Variants in STAT1 observed in about 807,000 individuals in gnomAD.
STAT1 encodes signal transducer and activator of transcription 1.
A neutral mutation model predicts 111.7 loss-of-function variants in STAT1; 24 were observed. That is an observed-to-expected ratio of 0.21 (90% CI 0.16 to 0.30). The LOEUF is 0.30. Among genes scored for constraint, STAT1 ranks in the 10% least tolerant of loss-of-function variants. The pLI is 1.00. For missense variants in STAT1, 351 were observed against 911.9 expected (o/e 0.38, Z 7.92); for synonymous variants, 332 against 326.5 (o/e 1.02, Z -0.18).
chr2:190,990,621 A>G lies in STAT1; in HGVS notation c.1037+607T>C, dbSNP rs1308662427. On this transcript the variant is annotated intron_variant, in intron 11 of 24. Transcript: ENST00000361099. The surrounding 1 kb of genome is among the most constrained non-coding windows in gnomAD (Gnocchi z 5.1). ...GTGTGTGTGTGTGTCTCTATATGAA[A>G]TATTTGTGTAGACATGGAATCCTAA... Among the ~76,000 whole-genome samples, 1 of 152,198 alleles carries G rather than the reference A, an allele frequency of 6.6e-6. No individual in the cohort carries two copies. Among genetic ancestry groups the G allele is most frequent in the Non-Finnish European group, 1.5e-5 (1 of 68,034 alleles).
rs1329398871 is a variant in STAT1, at chr2:190,975,064, A to G, written c.2136-132T>C. 1.3e-6 allele frequency: 1 copy of G among 797,138 alleles called. No individual in the cohort carries two copies. 49.4% of individuals were successfully genotyped at this position (797,138 alleles called of 1,614,324 possible). A position where few individuals can be genotyped will look rare whatever the true frequency, so the allele number is the denominator to read the frequency against. On this transcript the variant is annotated intron_variant, in intron 23 of 24. Transcript: ENST00000361099. The surrounding 1 kb of genome is among the most constrained non-coding windows in gnomAD (Gnocchi z 5.9). ...ATTTTTATTTTGGGTAAGTGCATAC[A>G]CTTGTAAAATACATTTGCAAAAGTA...
In STAT1 at chr2:190,977,519, C is replaced by G. The variant is rs1303010190; in HGVS notation, c.1874-494G>C. Among the ~76,000 whole-genome samples, 4 of 152,088 alleles carry G rather than the reference C, an allele frequency of 2.6e-5. No individual in the cohort carries two copies. Among genetic ancestry groups the G allele is most frequent in the African/African-American group, 9.7e-5 (4 of 41,400 alleles). ...AAAATGATCCTATTTGCTACATTTCCCTGTAACCCTTAACGTAATAAACCA... is the reference window on the plus strand; with the variant it reads ...AAAATGATCCTATTTGCTACATTTCGCTGTAACCCTTAACGTAATAAACCA... On this transcript the variant is annotated intron_variant, in intron 21 of 24. Transcript: ENST00000361099. This position sits in a 1 kb window ranked among gnomAD's most constrained non-coding sequence, Gnocchi z 4.7.
Position 190,987,099 on chromosome 2 carries a change from C to T in STAT1, c.1098-31G>A, listed in dbSNP as rs765556298. 2.0e-5 allele frequency: 30 copies of T among 1,535,750 alleles called. No homozygotes were observed. Among genetic ancestry groups the T allele is most frequent in the South Asian group, 1.6e-4 (14 of 89,090 alleles). On this transcript the variant is annotated intron_variant, in intron 12 of 24. Coordinates refer to ENST00000361099, the MANE Select transcript of STAT1 (RefSeq NM_007315.4). The surrounding 1 kb of genome is among the most constrained non-coding windows in gnomAD (Gnocchi z 4.0). ...AAAAAAATATATATAATCACATATGCGTATTTAAAATTTGAAATAAGCTTT... is the reference window on the plus strand; with the variant it reads ...AAAAAAATATATATAATCACATATGTGTATTTAAAATTTGAAATAAGCTTT...
rs536501473 is a variant in STAT1, at chr2:191,000,302, C to T, written c.463-598G>A. On this transcript the variant is annotated intron_variant, in intron 6 of 24. Transcript: ENST00000361099. This position sits in a 1 kb window ranked among gnomAD's most constrained non-coding sequence, Gnocchi z 4.8. Reference sequence around the variant, plus strand: ...TCCATGGCTATTTCTGGACTGGGCTCACTCGGTTTCTACTTTAATGAAATG... The same window carrying T: ...TCCATGGCTATTTCTGGACTGGGCTTACTCGGTTTCTACTTTAATGAAATG... Among the ~76,000 whole-genome samples the T allele has an allele frequency of 5.9e-5, 9 of 152,312 alleles. No homozygotes were observed. In the South Asian group the frequency reaches 1.4e-3, roughly 25 times the overall value.
Position 190,993,458 on chromosome 2 carries a change from GTA to G in STAT1, c.944+1601_944+1602del, listed in dbSNP as rs1693554202. ...ACCAATTGTGCTGATGTAGCTTTCT[GTA>G]TATGTTATCATCTGCAAACCTAAGA... On this transcript the variant is annotated intron_variant, in intron 10 of 24. Transcript: ENST00000361099. The surrounding 1 kb of genome is among the most constrained non-coding windows in gnomAD (Gnocchi z 4.1). The G allele has an allele frequency of 9.1e-6, 12 of 1,324,026 alleles. 1 individual carries two copies. In the South Asian group the frequency reaches 9.9e-5, roughly 11 times the overall value. The allele number at this position is 1,324,026 out of a possible 1,614,324, so 82.0% of individuals were successfully genotyped here.
Position 190,987,062 on chromosome 2 carries a change from C to T in STAT1, c.1104G>A (p.Val368=), listed in dbSNP as rs748077071. 4 of 1,607,220 alleles carry T rather than the reference C, an allele frequency of 2.5e-6. No homozygotes were observed. In the South Asian group the frequency reaches 4.4e-5, roughly 18 times the overall value. The part of the protein sequence containing the change: ...LKVKVLFDKD[V]NERNTVKGFR... ...ACCCTTTTACTGTATTTCTCTCATT[C>T]ACATCTCTGCAAAAAAAATATATAT... Residue 368 remains valine (V), a synonymous_variant, in exon 13 of 25, where the codon GTG becomes GTA. Coordinates refer to ENST00000361099, the MANE Select transcript of STAT1 (RefSeq NM_007315.4). The surrounding 1 kb of genome is among the most constrained non-coding windows in gnomAD (Gnocchi z 4.0).
intron 24 of STAT1, among the ~76,000 whole-genome samples, chr2:190,972,434 T>C (rs1691562689): frequency 6.6e-6 from 1 of 152,168 alleles, no homozygotes. Context: ...CTGGCTCTCT[T>C]GGACAATTTC....
chr2:190,972,050 C>T (rs1489948663), intron 24 of STAT1, among the ~76,000 whole-genome samples: 2 of 151,282 alleles, frequency 1.3e-5, no homozygotes, highest in Non-Finnish European at 1.5e-5. Context: ...TAGGGTGGAC[C>T]GTGGGGGTAA....
chr2:191,008,504 G>A (rs1694873963), intron 4 of STAT1, among the ~76,000 whole-genome samples: 1 of 152,178 alleles, frequency 6.6e-6, no homozygotes, highest in African/African-American at 2.4e-5. Flanking sequence ...GTGGAGTCTA[G>A]TTCCTGAAGT....
Position 190,974,542 on chromosome 2 carries a change from A to T in STAT1, c.2238+288T>A, listed in dbSNP as rs1691751116. Among the ~76,000 whole-genome samples, 1 of 152,264 alleles carries T rather than the reference A, an allele frequency of 6.6e-6. No individual in the cohort carries two copies. The highest frequency in any genetic ancestry group is 2.4e-5 in the African/African-American group (1 of 41,472). On this transcript the variant is annotated intron_variant, in intron 24 of 24. Transcript: ENST00000361099. The surrounding 1 kb of genome is among the most constrained non-coding windows in gnomAD (Gnocchi z 4.8). ...AGAAATCTTAGTTCCTTAATATATG[A>T]AATTTCTACATGGACAACTTTAAAG...
Position 190,976,640 on chromosome 2 carries a change from A to C in STAT1, c.2059+200T>G, listed in dbSNP as rs1691925097. Among the ~76,000 whole-genome samples, 1 of 152,226 alleles carries C rather than the reference A, an allele frequency of 6.6e-6. No homozygotes were observed. The highest frequency in any genetic ancestry group is 2.4e-5 in the African/African-American group (1 of 41,462). On this transcript the variant is annotated intron_variant, in intron 22 of 24. Transcript: ENST00000361099. This position sits in a 1 kb window ranked among gnomAD's most constrained non-coding sequence, Gnocchi z 6.0. ...ACTTTTCCAACATTCCTAAAATAGG[A>C]AATTGTCCATTCATTTCTTACTAGC... is the stretch of plus-strand genomic sequence containing the variant.
At chr2:190,991,701 G>GT (rs765208223) in intron 10 of STAT1, among the ~76,000 whole-genome samples, 319 of 122,726 alleles carry the variant, frequency 2.6e-3, no homozygotes, top group Non-Finnish European at 3.4e-3. Flanking sequence ...TTTACAATTT[G>GT]TTTTTTTTTT....
intron 3 of STAT1, among the ~76,000 whole-genome samples, chr2:191,009,396 T>C (rs533412713): frequency 6.6e-6 from 1 of 151,596 alleles, no homozygotes; most frequent in East Asian, 1.9e-4. Context: ...TCACTTTCTA[T>C]GTCAAATACT....
Position 191,008,886 on chromosome 2 carries a change from T to A in STAT1, c.273+77A>T, listed in dbSNP as rs960854990. The stretch of plus-strand genomic sequence containing the variant: ...AAATACCAATAAGTGTGTGCTCAAT[T>A]GTATTTGCTGAATGAAGAAAACTGC... On this transcript the variant is annotated intron_variant, in intron 4 of 24. Transcript: ENST00000361099. 4.7e-5 allele frequency: 70 copies of A among 1,500,250 alleles called. No individual in the cohort carries two copies. In the Middle Eastern group the frequency reaches 8.5e-4, roughly 18 times the overall value. The allele number at this position is 1,500,250 out of a possible 1,614,324, so 92.9% of individuals were successfully genotyped here.
At chr2:191,001,254 C>T in intron 5 of STAT1, 91 bp from the exon 6 acceptor site, 2 of 977,932 alleles carry the variant, frequency 2.0e-6, no homozygotes, top group Non-Finnish European at 3.3e-6. Context: ...CACTTGCCTT[C>T]CAGATCTTCT....
Position 190,976,545 on chromosome 2 carries a change from C to T in STAT1, c.2059+295G>A, listed in dbSNP as rs1691917725. ...AGCAAGATGCCTTCTGTTGGTTTAC[C>T]ACAGTTCCTTATTTAAACCCTTTTC... On this transcript the variant is annotated intron_variant, in intron 22 of 24. Coordinates refer to ENST00000361099, the MANE Select transcript of STAT1 (RefSeq NM_007315.4). The surrounding 1 kb of genome is among the most constrained non-coding windows in gnomAD (Gnocchi z 6.0). Among the ~76,000 whole-genome samples, 1 of 152,140 alleles carries T rather than the reference C, an allele frequency of 6.6e-6. No homozygotes were observed. The highest frequency in any genetic ancestry group is 2.4e-5 in the African/African-American group (1 of 41,410).
rs1355148322 is a variant in STAT1 at position 191,009,176 on chromosome 2, G to C, written c.129-69C>G. 15 of 1,542,676 alleles carry C rather than the reference G, an allele frequency of 9.7e-6. No individual in the cohort carries two copies. In the Admixed American group the frequency reaches 2.5e-4, roughly 26 times the overall value. ...TCTATGTAAAACAGACAAAACAAAT[G>C]TTGGTTTCCTTATTGAAATTATTAA... On this transcript the variant is annotated intron_variant, in intron 3 of 24. Transcript: ENST00000361099.
chr2:191,006,664 A>G lies in STAT1; in HGVS notation c.372+899T>C, dbSNP rs1271276166. Among the ~76,000 whole-genome samples, 1 of 152,232 alleles carries G rather than the reference A, an allele frequency of 6.6e-6. No individual in the cohort carries two copies. Among genetic ancestry groups the G allele is most frequent in the Non-Finnish European group, 1.5e-5 (1 of 68,042 alleles). ...GAACAATCCATAACATGGTGGCTTC[A>G]CACTGCCTGCCTGTTGGCTTGTTGT... is the stretch of plus-strand genomic sequence containing the variant. On this transcript the variant is annotated intron_variant, in intron 5 of 24. Transcript: ENST00000361099. This position sits in a 1 kb window ranked among gnomAD's most constrained non-coding sequence, Gnocchi z 4.6.
Position 190,976,684 on chromosome 2 carries a change from G to A in STAT1, c.2059+156C>T, listed in dbSNP as rs762550666. Among the ~76,000 whole-genome samples, 3 of 152,150 alleles carry A rather than the reference G, an allele frequency of 2.0e-5. No individual in the cohort carries two copies. Among genetic ancestry groups the A allele is most frequent in the Non-Finnish European group, 2.9e-5 (2 of 68,030 alleles). ...TACTAGCTGTATCAGGCCAAATAAT[G>A]CATTATGTTTCACCTGCACTGAGTT... On this transcript the variant is annotated intron_variant, in intron 22 of 24. Coordinates refer to ENST00000361099, the MANE Select transcript of STAT1 (RefSeq NM_007315.4). The surrounding 1 kb of genome is among the most constrained non-coding windows in gnomAD (Gnocchi z 6.0).
Sources: gnomAD v4.1 joint callset for allele counts (sites outside exome capture counted in the v4.1 genomes callset) on GRCh38, gnomAD v4.1.1 for gene constraint, Gnocchi (gnomAD v3.1) non-coding constraint, MANE v1.5 for transcripts, NCBI Gene and HGNC (gene_info 2026-07-23, HGNC 2026-07-21) for gene names.